FGD2: variants seen among roughly 807,000 people sequenced by gnomAD.
FGD2 encodes the protein FYVE, RhoGEF and PH domain containing 2.
A neutral mutation model predicts 75.9 loss-of-function variants in FGD2; 52 were observed. The ratio of observed to expected loss-of-function variants is 0.69; its 90% CI spans 0.55 to 0.86. The LOEUF (loss-of-function observed/expected upper bound fraction) is 0.86, where lower values mean the gene tolerates loss of function less well. Among genes scored for constraint, FGD2 ranks in the 40% least tolerant of loss-of-function variants. The probability of loss-of-function intolerance (pLI) is 0.00; values close to 1 mark genes in which losing one functional copy is unlikely to be tolerated. For synonymous variants in FGD2, 347 were observed against 348.6 expected (o/e 1.00, Z 0.05); for missense variants, 790 against 872.0 (o/e 0.91, Z 1.18).
intron 14 of FGD2, chr6:37,026,273 C>G: frequency 1.0e-6 from 1 of 985,442 alleles, no homozygotes; most frequent in Non-Finnish European, 1.2e-6. Flanking sequence ...CCCAGGGTGC[C>G]AAGAGCTGGT....
rs760073740 is a variant in FGD2 at position 37,011,056 on chromosome 6, T to C, written c.378+6T>C. 1.2e-6 allele frequency: 2 copies of C among 1,613,874 alleles called. No individual in the cohort carries two copies. Among genetic ancestry groups the C allele is most frequent in the Non-Finnish European group, 1.7e-6 (2 of 1,179,918 alleles). ...GCCTCCACCTGCTAGACCAGGCCAG[T>C]GACCAGGACACCCCCCTCTAGAGCC... is the stretch of plus-strand genomic sequence containing the variant. On this transcript the variant is annotated splice_donor_region_variant and intron_variant, in intron 3 of 15. Transcript: ENST00000274963.
chr6:37,028,260 T>A lies in FGD2; in HGVS notation c.*97T>A. 1.6e-6 allele frequency: 2 copies of A among 1,226,820 alleles called. No individual in the cohort carries two copies. Among genetic ancestry groups the A allele is most frequent in the South Asian group, 1.6e-5 (1 of 62,076 alleles). The allele number at this position is 1,226,820 out of a possible 1,614,324, so 76.0% of individuals were successfully genotyped here. ...GGCCTCAGTGACCCACTGCCCCAAG[T>A]GGTGCTTTCAGAGAATTGATTCAGC... On this transcript the variant is annotated 3_prime_UTR_variant, in exon 16 of 16. Coordinates refer to ENST00000274963, the MANE Select transcript of FGD2 (RefSeq NM_173558.4).
At position 37,014,740 on chromosome 6, in the gene FGD2, C is replaced by T. The variant is rs753657573; in HGVS notation, c.882+36C>T. On this transcript the variant is annotated intron_variant, in intron 7 of 15. Transcript: ENST00000274963. ...CGCCCTCTCCTGGAGCCCTGTCCCC[C>T]TCCCTGCAGGTCTCAGCCTGGTCCC... 16 of 1,613,216 alleles carry T rather than the reference C, an allele frequency of 9.9e-6. No homozygotes were observed. The African/African-American group carries it at 1.9e-4, about 19-fold the overall frequency.
rs370356907 is a variant in FGD2, at chr6:37,014,942, C to T, written c.933C>T (p.Asp311=). 2.2e-5 allele frequency: 35 copies of T among 1,614,012 alleles called. No homozygotes were observed. In the East Asian group the frequency reaches 3.3e-4, roughly 15 times the overall value. ...WEVYQRLGLE[D]DIVDPSNTLL... ...TGTACCAGCGCCTGGGCCTCGAGGA[C>T]GACATAGTAGACCCCTCTAACACCC... is the stretch of plus-strand genomic sequence containing the variant. The change falls in exon 8 of 16, where the codon GAC becomes GAT. Residue 311 remains aspartate (D), a synonymous_variant. Transcript: ENST00000274963.
chr6:37,028,004 C>A lies in FGD2; in HGVS notation c.1809C>A (p.Pro603=). 1 of 1,614,098 alleles carries A rather than the reference C, an allele frequency of 6.2e-7. No homozygotes were observed. Residue 603 remains proline, a synonymous_variant, in exon 16 of 16, where the codon CCC becomes CCA. Transcript: ENST00000274963. The part of the protein sequence containing the change: ...PLLGYQVTVG[P]QGDPRVFQLQ... ...TGGGCTACCAGGTGACTGTTGGGCC[C>A]CAGGGGGACCCTCGGGTCTTCCAGC... is the stretch of plus-strand genomic sequence containing the variant.
chr6:37,009,896 C>T (rs949751049), intron 2 of FGD2: 3 of 151,776 alleles, frequency 2.0e-5, no homozygotes, highest in Admixed American at 1.3e-4. Flanking sequence ...CGCCTGTAAT[C>T]CCAGCTACTC....
chr6:37,011,840 G>C lies in FGD2; in HGVS notation c.513G>C (p.Arg171=). Residue 171 remains arginine, a synonymous_variant, in exon 4 of 16, where the codon CGG becomes CGC. Coordinates refer to ENST00000274963, the MANE Select transcript of FGD2 (RefSeq NM_173558.4). ...HSQFFLPELQ[R]RLDDWTANPR... is the part of the protein sequence containing the mutation. Reference sequence around the variant, plus strand: ...AGTTCTTCCTCCCAGAGCTGCAGCGGCGCCTGGACGACTGGTGAGGTCCAC... The same window carrying C: ...AGTTCTTCCTCCCAGAGCTGCAGCGCCGCCTGGACGACTGGTGAGGTCCAC... 1 of 1,613,882 alleles carries C rather than the reference G, an allele frequency of 6.2e-7. No individual in the cohort carries two copies. The highest frequency in any genetic ancestry group is 8.5e-7 in the Non-Finnish European group (1 of 1,179,900).
intron 15 of FGD2, 182 bp from the exon 16 acceptor site, chr6:37,027,766 G>T: frequency 2.0e-6 from 2 of 1,011,572 alleles, no homozygotes. Context: ...GGTCACCACT[G>T]CTTTGCCCTC....
intron 13 of FGD2, chr6:37,023,803 T>A (rs2150783054): frequency 6.6e-6 from 1 of 152,258 alleles, no homozygotes; most frequent in Middle Eastern, 3.4e-3. Flanking sequence ...TAAATAAGAG[T>A]TGAATTGATT....
At chr6:37,008,787 C>T (rs1468350084) in intron 1 of FGD2, 47 bp from the exon 2 acceptor site, 1 of 1,497,720 alleles carries the variant, frequency 6.7e-7, no homozygotes, top group Non-Finnish European at 8.9e-7. Context: ...CTGCTGTTTT[C>T]CCTGTTCTCC....
At chr6:37,027,357 G>A (rs190673291) in intron 14 of FGD2, 72 bp from the exon 15 acceptor site, 1 of 1,531,556 alleles carries the variant, frequency 6.5e-7, no homozygotes, top group Admixed American at 1.9e-5. Context: ...GATAGTGATT[G>A]TCAAGCCCCC....
chr6:37,021,750 G>T (rs1247049776), intron 12 of FGD2, 146 bp downstream of exon 12: 1 of 717,836 alleles, frequency 1.4e-6, no homozygotes, highest in Non-Finnish European at 2.3e-6. Context: ...CCTTCCCAGC[G>T]CATCCCCCGA....
rs201550174 is a variant in FGD2 at position 37,021,015 on chromosome 6, CATGTATGT to C, written c.1233+277_1233+284del. ...GTGCATGCATGTGTGTGCGTGTGTA[CATGTATGT>C]GTGTATGTGTATATGTGTGTTTGTG... On this transcript the variant is annotated intron_variant, in intron 11 of 15. Coordinates refer to ENST00000274963, the MANE Select transcript of FGD2 (RefSeq NM_173558.4). Among the ~76,000 whole-genome samples the C allele has an allele frequency of 3.1e-3, 465 of 148,000 alleles. 1 individual carries two copies. The highest frequency in any genetic ancestry group is 0.011 in the African/African-American group (451 of 39,804).
intron 9 of FGD2, among the ~76,000 whole-genome samples, chr6:37,016,998 C>G (rs186174866): frequency 6.6e-6 from 1 of 152,310 alleles, no homozygotes; most frequent in East Asian, 1.9e-4. Flanking sequence ...TCTTGTGAGG[C>G]CTTCCAGAGG....
Position 37,028,201 on chromosome 6 carries a change from C to A in FGD2, c.*38C>A, listed in dbSNP as rs749052293. On this transcript the variant is annotated 3_prime_UTR_variant, in exon 16 of 16. Coordinates refer to ENST00000274963, the MANE Select transcript of FGD2 (RefSeq NM_173558.4). ...CGCTCTCCTGCCCACCTCTCCCCAC[C>A]CTGAACCCAGCTCCTGCCACAGACT... 6.7e-7 allele frequency: 1 copy of A among 1,484,766 alleles called. No individual in the cohort carries two copies. Among genetic ancestry groups the A allele is most frequent in the Non-Finnish European group, 9.0e-7 (1 of 1,112,942 alleles). 92.0% of individuals were successfully genotyped at this position (1,484,766 alleles called of 1,614,324 possible). A position where few individuals can be genotyped will look rare whatever the true frequency, so the allele number is the denominator to read the frequency against.
chr6:37,012,049 T>G (rs1765037498), intron 4 of FGD2, 195 bp downstream of exon 4: 5 of 579,480 alleles, frequency 8.6e-6, no homozygotes, highest in Non-Finnish European at 1.4e-5. Flanking sequence ...GTGTGCAGAC[T>G]GCTTCCTGGG....
rs145864024 is a variant in FGD2 at position 37,027,445 on chromosome 6, C to A, written c.1622C>A (p.Thr541Lys). The A allele has an allele frequency of 6.2e-7, 1 of 1,611,480 alleles. No individual in the cohort carries two copies. The highest frequency in any genetic ancestry group is 1.3e-5 in the African/African-American group (1 of 74,888). ...RGILEKGSSA[T>K]PDQSLMCSFL... The stretch of plus-strand genomic sequence containing the variant: ...TGGTTTTAGAAAGGGTCCTCAGCCA[C>A]GCCTGACCAGAGCCTGATGTGCAGC... The change falls in exon 15 of 16, where the codon ACG becomes AAG. Residue 541 changes from threonine to lysine, a missense_variant. By Grantham distance (78) the Thr-to-Lys change is moderately conservative (BLOSUM62 -1). Coordinates refer to ENST00000274963, the MANE Select transcript of FGD2 (RefSeq NM_173558.4).
chr6:37,009,175 T>G, intron 2 of FGD2, 110 bp downstream of exon 2: 1 of 1,046,528 alleles, frequency 9.6e-7, no homozygotes, highest in South Asian at 1.6e-5. Flanking sequence ...CAGGTGGGGG[T>G]ATGGTGTGAT....
At position 37,008,929 on chromosome 6, in the gene FGD2, C is replaced by T. The variant is rs146354673; in HGVS notation, c.164C>T (p.Thr55Met). The T allele has an allele frequency of 7.6e-5, 122 of 1,614,080 alleles. No homozygotes were observed. Among genetic ancestry groups the T allele is most frequent in the Middle Eastern group, 1.6e-4 (1 of 6,084 alleles). The change falls in exon 2 of 16, where the codon ACG becomes ATG. Residue 55 changes from threonine to methionine, a missense_variant. By Grantham distance (81) the Thr-to-Met change is moderately conservative. Transcript: ENST00000274963. ...GAGTCCCCAGGACCACGGGAGAAGA[C>T]GAATGTCGGGGAGGCCGTGGGGTCT... ...PPESPGPREK[T>M]NVGEAVGSEP...
Sources: allele counts gnomAD v4.1 joint callset (sites outside exome capture counted in the v4.1 genomes callset), GRCh38; gene constraint gnomAD v4.1.1; transcripts MANE v1.5; gene names NCBI Gene and HGNC (gene_info 2026-07-23, HGNC 2026-07-21).